TTC3: variants seen among roughly 807,000 people sequenced by gnomAD.
TTC3 encodes the protein tetratricopeptide repeat domain 3.
TTC3 carries 180 observed loss-of-function variants against 249.6 expected under a neutral mutation model. The observed-to-expected ratio is 0.72, with a 90% confidence interval of 0.64 to 0.82. The LOEUF is 0.82. Among genes scored for constraint, TTC3 ranks in the 40% least tolerant of loss-of-function variants. TTC3 has a pLI of 0.00. For missense variants in TTC3, 2,061 were observed against 2,398.4 expected, an observed-to-expected ratio of 0.86 and a Z score of 2.94; for synonymous variants, 717 against 805.0, an observed-to-expected ratio of 0.89 and a Z score of 1.85.
At chr21:37,143,389 C>T (rs1312349228) in intron 20 of TTC3, among the ~76,000 whole-genome samples, 1 of 151,942 alleles carries the variant, frequency 6.6e-6, no homozygotes, top group African/African-American at 2.4e-5. Context: ...AGAACTCAAA[C>T]AAATTTACAA....
intron 20 of TTC3, among the ~76,000 whole-genome samples, chr21:37,142,597 G>C (rs953702108): frequency 3.9e-5 from 6 of 152,054 alleles, no homozygotes; most frequent in Non-Finnish European, 8.8e-5. Flanking sequence ...AAATAAAAGA[G>C]GATACAAACA....
intron 1 of TTC3, among the ~76,000 whole-genome samples, chr21:37,080,383 C>T (rs1408480903): frequency 8.5e-5 from 12 of 141,634 alleles, no homozygotes; most frequent in Admixed American, 4.2e-4. Context: ...TTTTTTTTTG[C>T]CCTTGCTTTA....
At chr21:37,184,879 A>G (rs952361347) in intron 36 of TTC3, among the ~76,000 whole-genome samples, 12 of 152,314 alleles carry the variant, frequency 7.9e-5, no homozygotes, top group Non-Finnish European at 8.8e-5. Context: ...CACAAGGGAC[A>G]TGAAAAATGA....
chr21:37,129,857 C>T (rs529986513), intron 16 of TTC3, among the ~76,000 whole-genome samples: 1 of 152,336 alleles, frequency 6.6e-6, no homozygotes, highest in African/African-American at 2.4e-5. Flanking sequence ...GTTGCCCAGG[C>T]TGGTCTTGAA....
chr21:37,194,667 A>C (rs73395180), intron 41 of TTC3: 4 of 152,194 alleles, frequency 2.6e-5, no homozygotes, highest in African/African-American at 7.2e-5. Context: ...AAATCTACCC[A>C]TGATATTGTG....
At chr21:37,201,382 G>A (rs2085484780) in intron 45 of TTC3, 58 bp from the exon 46 acceptor site, 2 of 1,609,784 alleles carry the variant, frequency 1.2e-6, no homozygotes, top group Non-Finnish European at 1.7e-6. Context: ...CAGCACAGGG[G>A]AGCTAAGCTT....
At chr21:37,090,489 T>A in intron 6 of TTC3, 1 of 712,704 alleles carries the variant, frequency 1.4e-6, no homozygotes, top group Non-Finnish European at 1.7e-6. Flanking sequence ...TTTACCCATG[T>A]ACATAGTGTA....
intron 44 of TTC3, among the ~76,000 whole-genome samples, chr21:37,199,834 C>T (rs914058089): frequency 6.6e-6 from 1 of 152,108 alleles, no homozygotes; most frequent in African/African-American, 2.4e-5. Flanking sequence ...TCATGATTTT[C>T]CTTTTGGCTA....
intron 1 of TTC3, chr21:37,073,393 C>A: frequency 1.0e-6 from 1 of 986,332 alleles, no homozygotes; most frequent in South Asian, 4.5e-5. Context: ...CGCTGCCGGG[C>A]TCCCGGATGT....
intron 45 of TTC3, 76 bp from the exon 46 acceptor site, chr21:37,201,364 G>A (rs936593602): frequency 3.1e-6 from 5 of 1,597,630 alleles, no homozygotes; most frequent in Non-Finnish European, 4.3e-6. Flanking sequence ...GCCTGCCAAG[G>A]AGCCCAGCAG....
Position 37,079,500 on chromosome 21 carries a change from A to G in TTC3, c.-12+6136A>G, listed in dbSNP as rs993418360. Among the ~76,000 whole-genome samples, 3 of 117,930 alleles carry G rather than the reference A, an allele frequency of 2.5e-5. No homozygotes were observed. In the South Asian group the frequency reaches 8.4e-4, roughly 33 times the overall value. The allele number at this position is 117,930 out of a possible 152,430, so 77.4% of individuals were successfully genotyped here. A position where few individuals can be genotyped will look rare whatever the true frequency, so the allele number is the denominator to read the frequency against. On this transcript the variant is annotated intron_variant, in intron 1 of 45. Transcript: ENST00000355666. ...GTAAGTTTTAGAAATTTGTCCTTTC[A>G]TCAAGTTTATGGTATGGTTTTTTTT... is the stretch of plus-strand genomic sequence containing the variant.
chr21:37,096,804 C>T, intron 10 of TTC3, 161 bp downstream of exon 10: 1 of 547,718 alleles, frequency 1.8e-6, no homozygotes, highest in Non-Finnish European at 3.2e-6. Context: ...TATATAATAA[C>T]AACAGTGACA....
intron 1 of TTC3, among the ~76,000 whole-genome samples, chr21:37,074,651 G>A (rs1827135415): frequency 8.5e-6 from 1 of 118,230 alleles, no homozygotes. Context: ...ACTCTAGTTA[G>A]GACATTTTTT....
chr21:37,188,512 C>G (rs200741443), exon 39 of TTC3: 8 of 1,613,700 alleles, frequency 5.0e-6, no homozygotes, highest in Non-Finnish European at 5.9e-6. Context: ...TACTTGAAAA[C>G]TGGAAGGAGA....
intron 21 of TTC3, among the ~76,000 whole-genome samples, 168 bp downstream of exon 21, chr21:37,144,813 G>A (rs1431406620): frequency 6.6e-6 from 1 of 152,302 alleles, no homozygotes; most frequent in Admixed American, 6.5e-5. Context: ...AATGTTTTCT[G>A]TGTGCCAGTG....
chr21:37,134,279 A>G (rs1285718321), intron 17 of TTC3, among the ~76,000 whole-genome samples: 3 of 152,084 alleles, frequency 2.0e-5, no homozygotes, highest in Admixed American at 6.5e-5. Context: ...GCGAAACCCC[A>G]TCTCTACTAA....
intron 34 of TTC3, among the ~76,000 whole-genome samples, chr21:37,170,312 G>A (rs181712718): frequency 1.1e-3 from 170 of 152,312 alleles, no homozygotes; most frequent in Non-Finnish European, 9.3e-4. Context: ...ACAAAGATGA[G>A]AATGGATGTG....
intron 36 of TTC3, among the ~76,000 whole-genome samples, chr21:37,184,077 G>C (rs2083004362): frequency 6.6e-6 from 1 of 152,176 alleles, no homozygotes; most frequent in South Asian, 2.1e-4. Context: ...CACTGCCTCA[G>C]AATTTTCACT....
chr21:37,194,382 T>C (rs2084605783), intron 41 of TTC3: 1 of 152,178 alleles, frequency 6.6e-6, no homozygotes, highest in Non-Finnish European at 1.5e-5. Flanking sequence ...CTTTGTCCAG[T>C]GTTTTCATGC....
Sources: allele counts gnomAD v4.1 joint callset (sites outside exome capture counted in the v4.1 genomes callset), GRCh38; gene constraint gnomAD v4.1.1; transcripts MANE v1.5; gene names NCBI Gene and HGNC (gene_info 2026-07-23, HGNC 2026-07-21).